Variants in PDE1A observed in about 807,000 individuals in gnomAD.
PDE1A encodes dual specificity calcium/calmodulin-dependent 3',5'-cyclic nucleotide phosphodiesterase 1A.
A neutral mutation model predicts 61.7 loss-of-function variants in PDE1A; 35 were observed. The observed-to-expected ratio is 0.57, with a 90% CI of 0.43 to 0.75. PDE1A has a LOEUF of 0.75. PDE1A is among the 30% of genes least tolerant of loss of function. PDE1A has a pLI of 0.00. For synonymous variants in PDE1A, 232 were observed against 213.2 expected, an observed-to-expected ratio of 1.09 and a Z score of -0.77; for missense variants, 597 against 630.6, an observed-to-expected ratio of 0.95 and a Z score of 0.57.
At chr2:182,266,928 T>C (rs967877018) in intron 1 of PDE1A, among the ~76,000 whole-genome samples, 2 of 152,176 alleles carry the variant, frequency 1.3e-5, no homozygotes, top group African/African-American at 4.8e-5. Flanking sequence ...TTGTTTCTGA[T>C]GCAAGAACAA....
chr2:182,149,964 A>C (rs981466767), intron 13 of PDE1A, among the ~76,000 whole-genome samples: 4 of 152,224 alleles, frequency 2.6e-5, no homozygotes, highest in African/African-American at 7.2e-5. Flanking sequence ...AACATATTTA[A>C]GTAAACCTAG....
At chr2:182,376,249 T>G (rs1389124867) in intron 1 of PDE1A, among the ~76,000 whole-genome samples, 1 of 152,218 alleles carries the variant, frequency 6.6e-6, no homozygotes, top group Non-Finnish European at 1.5e-5. Flanking sequence ...TGAACTTTCA[T>G]ACTCTTCTTC....
chr2:182,499,506 G>A (rs186319857), intron 2 of PDE1A, among the ~76,000 whole-genome samples: 7 of 152,262 alleles, frequency 4.6e-5, no homozygotes, highest in Middle Eastern at 3.4e-3. Flanking sequence ...TTACAGGCAT[G>A]GGCCACTGCA....
chr2:182,519,049 G>T (rs1241906167), intron 2 of PDE1A, among the ~76,000 whole-genome samples: 1 of 152,016 alleles, frequency 6.6e-6, no homozygotes, highest in Non-Finnish European at 1.5e-5. Flanking sequence ...GAAACACAAT[G>T]CATAGGTGAA....
At chr2:182,714,264 T>C in the PDE1A span, among the ~76,000 whole-genome samples, 1 of 152,352 alleles carries the variant, frequency 6.6e-6, no homozygotes, top group Admixed American at 6.5e-5. Context: ...ATTCTTGATG[T>C]TAGAATTCCC....
intron 1 of PDE1A, among the ~76,000 whole-genome samples, chr2:182,265,708 C>G (rs1692584747): frequency 6.6e-6 from 1 of 152,146 alleles, no homozygotes; most frequent in South Asian, 2.1e-4. Context: ...TTGGCAACTT[C>G]TATGCATTAA....
At chr2:182,239,732 A>G (rs187702059) in intron 3 of PDE1A, among the ~76,000 whole-genome samples, 39 of 152,284 alleles carry the variant, frequency 2.6e-4, no homozygotes, top group African/African-American at 8.4e-4. Flanking sequence ...TGACATGTAG[A>G]TTGCTACCCA....
At chr2:182,296,267 T>G (rs896642224) in intron 1 of PDE1A, among the ~76,000 whole-genome samples, 2 of 152,182 alleles carry the variant, frequency 1.3e-5, no homozygotes, top group African/African-American at 4.8e-5. Flanking sequence ...TGCTGTAGAT[T>G]TCTATCATCT....
At chr2:182,543,476 T>C in the PDE1A span, among the ~76,000 whole-genome samples, 120 of 152,298 alleles carry the variant, frequency 7.9e-4, no homozygotes, top group African/African-American at 2.6e-3. Flanking sequence ...CAACCCAGGG[T>C]TTAAAATTAG....
intron 7 of PDE1A, among the ~76,000 whole-genome samples, chr2:182,210,814 T>A (rs1687522087): frequency 6.6e-6 from 1 of 152,182 alleles, no homozygotes; most frequent in Admixed American, 6.5e-5. Context: ...TGATCCATTT[T>A]GAGTTAATTT....
chr2:182,315,486 T>G (rs1483161660), intron 1 of PDE1A, among the ~76,000 whole-genome samples: 1 of 152,188 alleles, frequency 6.6e-6, no homozygotes, highest in Non-Finnish European at 1.5e-5. Flanking sequence ...CAATGTCTGA[T>G]TATCCATTCA....
At chr2:182,554,358 C>T in the PDE1A span, among the ~76,000 whole-genome samples, 2 of 152,206 alleles carry the variant, frequency 1.3e-5, no homozygotes, top group African/African-American at 2.4e-5. Flanking sequence ...ACATTTCTTA[C>T]TGATATAAAC....
At chr2:182,345,933 A>G (rs985898032) in intron 1 of PDE1A, among the ~76,000 whole-genome samples, 1 of 152,218 alleles carries the variant, frequency 6.6e-6, no homozygotes, top group Non-Finnish European at 1.5e-5. Context: ...GTCTCCTGCA[A>G]TGTTACCTCT....
At chr2:182,247,594 G>C (rs1338918001) in intron 2 of PDE1A, among the ~76,000 whole-genome samples, 1 of 152,056 alleles carries the variant, frequency 6.6e-6, no homozygotes, top group East Asian at 1.9e-4. Context: ...TCTTCCGTCT[G>C]ATCAACATGA....
chr2:182,678,284 A>G, the PDE1A span, among the ~76,000 whole-genome samples: 2 of 152,002 alleles, frequency 1.3e-5, no homozygotes, highest in South Asian at 2.1e-4. Context: ...TTAGCCAGGC[A>G]TGGTGGTGGG....
At chr2:182,356,045 T>A (rs944790296) in intron 1 of PDE1A, among the ~76,000 whole-genome samples, 4 of 152,212 alleles carry the variant, frequency 2.6e-5, no homozygotes, top group Non-Finnish European at 1.5e-5. Flanking sequence ...GTCAGTTTGA[T>A]TGTAACAAGA....
At chr2:182,246,461 T>A (rs1690983435) in intron 2 of PDE1A, among the ~76,000 whole-genome samples, 1 of 142,624 alleles carries the variant, frequency 7.0e-6, no homozygotes, top group African/African-American at 2.6e-5. Flanking sequence ...TGTAGTGCAG[T>A]GGCATGATCT....
At chr2:182,199,254 A>C (rs1444408112) in intron 10 of PDE1A, among the ~76,000 whole-genome samples, 3 of 151,694 alleles carry the variant, frequency 2.0e-5, no homozygotes, top group African/African-American at 7.3e-5. Context: ...ACTTTTTCGG[A>C]GAGCCAACTG....
chr2:182,171,768 G>A (rs1187941089), intron 13 of PDE1A, among the ~76,000 whole-genome samples: 5 of 150,710 alleles, frequency 3.3e-5, no homozygotes, highest in South Asian at 2.1e-4. Flanking sequence ...AGATGAGAGC[G>A]GCACCAGAAT....
Sources: gnomAD v4.1 joint callset for allele counts (sites outside exome capture counted in the v4.1 genomes callset) on GRCh38, gnomAD v4.1.1 for gene constraint, MANE v1.5 for transcripts, NCBI Gene and HGNC (gene_info 2026-07-23, HGNC 2026-07-21) for gene names.